Variants in VTA1 observed in about 807,000 individuals in gnomAD.
VTA1 encodes the protein vesicle trafficking 1, also known as vacuolar protein sorting-associated protein VTA1 homolog.
VTA1 carries 24 observed loss-of-function variants against 36.9 expected under a neutral mutation model. That is an observed-to-expected ratio of 0.65 (90% CI 0.47 to 0.91). The LOEUF is 0.91. Ranked by LOEUF, VTA1 falls within the 40% of genes least tolerant of loss-of-function variation. VTA1 has a pLI of 0.00. For synonymous variants in VTA1, 142 were observed against 130.2 expected, an observed-to-expected ratio of 1.09 and a Z score of -0.62; for missense variants, 393 against 377.2, an observed-to-expected ratio of 1.04 and a Z score of -0.35.
intron 4 of VTA1, among the ~76,000 whole-genome samples, chr6:142,170,789 ATAGC>A (rs1356670813): frequency 6.6e-6 from 1 of 151,872 alleles, no homozygotes. Context: ...ACAAGGCACC[ATAGC>A]TGGCTAATTT....
intron 2 of VTA1, among the ~76,000 whole-genome samples, chr6:142,167,744 G>A (rs1774949235): frequency 6.6e-6 from 1 of 152,152 alleles, no homozygotes; most frequent in African/African-American, 2.4e-5. Context: ...AGGAAATTCA[G>A]CTGTTCTGGA....
intron 4 of VTA1, among the ~76,000 whole-genome samples, chr6:142,175,084 A>G (rs1209251495): frequency 2.0e-5 from 3 of 152,202 alleles, no homozygotes; most frequent in African/African-American, 7.2e-5. Flanking sequence ...ATATCTGTAC[A>G]TGATGATTTG....
intron 4 of VTA1, among the ~76,000 whole-genome samples, chr6:142,176,134 T>C (rs998241372): frequency 3.3e-5 from 5 of 152,216 alleles, no homozygotes; most frequent in African/African-American, 1.2e-4. Context: ...ATATTATTGA[T>C]AGGCTTCCTT....
chr6:142,152,160 A>C (rs1387372188), intron 1 of VTA1, among the ~76,000 whole-genome samples: 1 of 152,014 alleles, frequency 6.6e-6, no homozygotes, highest in African/African-American at 2.4e-5. Context: ...AAGTTTTCCC[A>C]ATCCTTTCTG....
Position 142,170,384 on chromosome 6 carries a change from T to G in VTA1, c.374T>G (p.Ile125Arg), listed in dbSNP as rs771170161. 5.0e-6 allele frequency: 8 copies of G among 1,608,926 alleles called. No individual in the cohort carries two copies. In the South Asian group the frequency reaches 6.6e-5, roughly 13 times the overall value. Residue 125 changes from isoleucine (I) to arginine (R), a missense_variant, in exon 4 of 8, where the codon ATA becomes AGA. Ile to Arg is a moderately conservative substitution (Grantham distance 97). Coordinates refer to ENST00000367630, the MANE Select transcript of VTA1 (RefSeq NM_016485.5). ...TCCTTCTATACTGCAAGTCTTTTGATAGATGTCATAACAGTATTTGGAGAA... is the reference window on the plus strand; with the variant it reads ...TCCTTCTATACTGCAAGTCTTTTGAGAGATGTCATAACAGTATTTGGAGAA... ...IKSFYTASLL[I>R]DVITVFGELT...
chr6:142,189,923 AT>A (rs1582893831), intron 5 of VTA1, among the ~76,000 whole-genome samples: 1 of 151,842 alleles, frequency 6.6e-6, no homozygotes, highest in Non-Finnish European at 1.5e-5. Flanking sequence ...CGCCTGGCTA[AT>A]TTTTTTGTAC....
At chr6:142,203,954 C>G in intron 6 of VTA1, 31 bp from the exon 7 acceptor site, 4 of 1,582,700 alleles carry the variant, frequency 2.5e-6, no homozygotes, top group Non-Finnish European at 3.5e-6. Flanking sequence ...TGTAATACTT[C>G]TATGCCCATT....
At chr6:142,177,433 C>G (rs1252070407) in intron 4 of VTA1, among the ~76,000 whole-genome samples, 1 of 152,032 alleles carries the variant, frequency 6.6e-6, no homozygotes, top group Non-Finnish European at 1.5e-5. Context: ...TCATGGAGAT[C>G]AAGTGAGGAA....
rs1312326911 is a variant in VTA1, at chr6:142,218,619, G to A, written c.900G>A (p.Lys300=). ...TAVQNLQKAL[K]LLTTGRE is the part of the protein sequence containing the mutation. Reference sequence around the variant, plus strand: ...TCCAGAATCTACAAAAGGCTCTCAAGTTACTGACGACAGGCAGAGAATGAA... The same window carrying A: ...TCCAGAATCTACAAAAGGCTCTCAAATTACTGACGACAGGCAGAGAATGAA... The change falls in exon 8 of 8, where the codon AAG becomes AAA. Residue 300 remains lysine (K), a synonymous_variant. Coordinates refer to ENST00000367630, the MANE Select transcript of VTA1 (RefSeq NM_016485.5). 1 of 1,610,748 alleles carries A rather than the reference G, an allele frequency of 6.2e-7. No homozygotes were observed. Among genetic ancestry groups the A allele is most frequent in the East Asian group, 2.2e-5 (1 of 44,782 alleles).
At chr6:142,174,138 A>G (rs1775074668) in intron 4 of VTA1, among the ~76,000 whole-genome samples, 1 of 152,108 alleles carries the variant, frequency 6.6e-6, no homozygotes, top group Non-Finnish European at 1.5e-5. Context: ...ACCTACCTGA[A>G]TGGTAGAGCC....
chr6:142,181,094 A>AAAAAATATAT (rs1471429927), intron 4 of VTA1, among the ~76,000 whole-genome samples: 2 of 36,420 alleles, frequency 5.5e-5, no homozygotes, highest in African/African-American at 1.5e-4. Context: ...AAAAAAAAAA[A>AAAAAATATAT]ATATATATAT....
intron 4 of VTA1, among the ~76,000 whole-genome samples, chr6:142,178,386 A>G (rs1017945482): frequency 1.3e-5 from 2 of 152,148 alleles, no homozygotes; most frequent in Non-Finnish European, 2.9e-5. Context: ...TGAAGGTTTT[A>G]AAAAAACATT....
In VTA1 at chr6:142,218,818, T is replaced by A; in HGVS notation, c.*175T>A. Reference sequence around the variant, plus strand: ...GCATTCATCAGCAGCCTCAACCAGTTTTCATTGTCCATTTACTAGATTCAA... The same window carrying A: ...GCATTCATCAGCAGCCTCAACCAGTATTCATTGTCCATTTACTAGATTCAA... On this transcript the variant is annotated 3_prime_UTR_variant, in exon 8 of 8. Transcript: ENST00000367630. 1 of 676,728 alleles carries A rather than the reference T, an allele frequency of 1.5e-6. No homozygotes were observed. Among genetic ancestry groups the A allele is most frequent in the Non-Finnish European group, 2.3e-6 (1 of 439,302 alleles). 41.9% of individuals were successfully genotyped at this position (676,728 alleles called of 1,614,324 possible).
chr6:142,194,273 A>T (rs1270554159), intron 5 of VTA1, among the ~76,000 whole-genome samples: 1 of 151,458 alleles, frequency 6.6e-6, no homozygotes, highest in African/African-American at 2.4e-5. Flanking sequence ...CTGTCCTTTG[A>T]GTTTCCACAT....
chr6:142,193,206 A>C (rs565965029), intron 5 of VTA1, among the ~76,000 whole-genome samples: 1 of 152,226 alleles, frequency 6.6e-6, no homozygotes, highest in African/African-American at 2.4e-5. Context: ...ATATTGCCTC[A>C]TAATTAGTTT....
chr6:142,153,867 G>C (rs938523940), intron 1 of VTA1, among the ~76,000 whole-genome samples: 3 of 152,030 alleles, frequency 2.0e-5, no homozygotes, highest in African/African-American at 7.2e-5. Flanking sequence ...AGCACATGTA[G>C]TTGTAAGAAA....
chr6:142,176,495 C>T (rs1479001259), intron 4 of VTA1, among the ~76,000 whole-genome samples: 1 of 152,008 alleles, frequency 6.6e-6, no homozygotes, highest in African/African-American at 2.4e-5. Flanking sequence ...TTTCACAACT[C>T]TGAATTATAG....
At chr6:142,171,022 A>G (rs1775020620) in intron 4 of VTA1, among the ~76,000 whole-genome samples, 3 of 152,204 alleles carry the variant, frequency 2.0e-5, no homozygotes, top group Non-Finnish European at 4.4e-5. Context: ...TGATCTTACT[A>G]AGTATTAACA....
At position 142,198,424 on chromosome 6, in the gene VTA1, T is replaced by C; in HGVS notation, c.521-15T>C. 2 of 1,613,388 alleles carry C rather than the reference T, an allele frequency of 1.2e-6. No individual in the cohort carries two copies. The highest frequency in any genetic ancestry group is 1.7e-6 in the Non-Finnish European group (2 of 1,179,522). On this transcript the variant is annotated splice_polypyrimidine_tract_variant and intron_variant, in intron 5 of 7. Transcript: ENST00000367630. ...AAAATACCTACTGTAACATTGTGTATATGTGATCTGATAGATATTGAAGAA... is the reference window on the plus strand; with the variant it reads ...AAAATACCTACTGTAACATTGTGTACATGTGATCTGATAGATATTGAAGAA...
Sources: gnomAD v4.1 joint callset for allele counts (sites outside exome capture counted in the v4.1 genomes callset) on GRCh38, gnomAD v4.1.1 for gene constraint, MANE v1.5 for transcripts, NCBI Gene and HGNC (gene_info 2026-07-23, HGNC 2026-07-21) for gene names.